The following ZFPM1 variants were observed in gnomAD, a reference collection of about 807,000 sequenced individuals.
ZFPM1 encodes zinc finger protein, FOG family member 1, also known as zinc finger protein ZFPM1.
Under a neutral mutation model 46.3 loss-of-function variants are expected in ZFPM1, and 28 were observed. That is an observed-to-expected ratio of 0.60 (90% confidence interval 0.45 to 0.83). ZFPM1 has a LOEUF of 0.83. Ranked by LOEUF, ZFPM1 falls within the 40% of genes least tolerant of loss-of-function variation. The probability of loss-of-function intolerance (pLI) is 0.00; values close to 1 mark genes in which losing one functional copy is unlikely to be tolerated. For synonymous variants in ZFPM1, 957 were observed against 675.9 expected (o/e 1.42, Z -6.45); for missense variants, 1,878 against 1,432.4 (o/e 1.31, Z -5.02).
chr16:88,489,342 T>C, intron 3 of ZFPM1, 189 bp downstream of exon 3: 1 of 911,280 alleles, frequency 1.1e-6, no homozygotes, highest in Non-Finnish European at 1.6e-6. Flanking sequence ...CTTGGCACCC[T>C]CGCGCCAATC....
Position 88,474,174 on chromosome 16 carries a change from C to T in ZFPM1, c.41-11765C>T, listed in dbSNP as rs369740494. Among the ~76,000 whole-genome samples, 140 of 152,328 alleles carry T rather than the reference C, an allele frequency of 9.2e-4. No homozygotes were observed. The South Asian group carries it at 0.011, about 12-fold the overall frequency. ...AGCCGGGCTGGGCTTTCTCAGGCCC[C>T]GGCTCTTTCTTCCCTCCTCCTCCGC... is the stretch of plus-strand genomic sequence containing the variant. On this transcript the variant is annotated intron_variant, in intron 1 of 9. Coordinates refer to ENST00000319555, the MANE Select transcript of ZFPM1 (RefSeq NM_153813.3).
At chr16:88,527,245 C>A (rs1359474727) in intron 5 of ZFPM1, among the ~76,000 whole-genome samples, 1 of 152,206 alleles carries the variant, frequency 6.6e-6, no homozygotes, top group African/African-American at 2.4e-5. Context: ...TGGGAACCCA[C>A]CAAGGGCAGC....
intron 3 of ZFPM1, among the ~76,000 whole-genome samples, chr16:88,509,521 C>A (rs1910839856): frequency 2.0e-5 from 3 of 152,234 alleles, no homozygotes; most frequent in Admixed American, 6.5e-5. Flanking sequence ...GGTTCCCGGA[C>A]GTCCGCAGAC....
intron 3 of ZFPM1, among the ~76,000 whole-genome samples, chr16:88,491,004 C>T (rs1005046621): frequency 3.6e-4 from 54 of 151,618 alleles, no homozygotes; most frequent in African/African-American, 9.7e-4. Context: ...GTCAGACAGG[C>T]GCTGGTGCCT....
In ZFPM1 at chr16:88,533,567, C is replaced by T. The variant is rs1302722385; in HGVS notation, c.1609C>T (p.Pro537Ser). ...PQYVFGPDAA[P>S]PASEILAKMS... ...GTACGTGTTCGGGCCCGACGCGGCGCCCCCCGCCTCGGAGATCCTGGCCAA... is the reference window on the plus strand; with the variant it reads ...GTACGTGTTCGGGCCCGACGCGGCGTCCCCCGCCTCGGAGATCCTGGCCAA... Residue 537 changes from proline (P) to serine (S), a missense_variant, in exon 10 of 10, where the codon CCC becomes TCC. Coordinates refer to ENST00000319555, the MANE Select transcript of ZFPM1 (RefSeq NM_153813.3). 15 of 1,491,682 alleles carry T rather than the reference C, an allele frequency of 1.0e-5. No homozygotes were observed. Among genetic ancestry groups the T allele is most frequent in the African/African-American group, 1.5e-5 (1 of 67,526 alleles). The allele number at this position is 1,491,682 out of a possible 1,614,324, so 92.4% of individuals were successfully genotyped here.
At chr16:88,462,112 G>C (rs1426121660) in intron 1 of ZFPM1, among the ~76,000 whole-genome samples, 1 of 152,186 alleles carries the variant, frequency 6.6e-6, no homozygotes, top group South Asian at 2.1e-4. Context: ...ATCTTGGGCA[G>C]AGCCGCGTGA....
intron 1 of ZFPM1, among the ~76,000 whole-genome samples, chr16:88,485,730 A>G (rs916230901): frequency 3.6e-4 from 55 of 152,256 alleles, no homozygotes; most frequent in African/African-American, 1.3e-3. Flanking sequence ...GTGAGCCACC[A>G]TGCCCAAATG....
intron 1 of ZFPM1, among the ~76,000 whole-genome samples, chr16:88,466,726 C>T (rs772896616): frequency 1.3e-5 from 2 of 152,082 alleles, no homozygotes; most frequent in Non-Finnish European, 2.9e-5. Flanking sequence ...TTTCAATATT[C>T]TAAAAGGAAG....
At position 88,534,951 on chromosome 16, in the gene ZFPM1, C is replaced by T. The variant is rs753287725; in HGVS notation, c.2993C>T (p.Ser998Phe). 2.8e-5 allele frequency: 43 copies of T among 1,516,268 alleles called. No individual in the cohort carries two copies. Among genetic ancestry groups the T allele is most frequent in the African/African-American group, 2.9e-5 (2 of 70,048 alleles). 93.9% of individuals were successfully genotyped at this position (1,516,268 alleles called of 1,614,324 possible). ...TFIAHKKYYC[S>F]SHAAEHVK Reference sequence around the variant, plus strand: ...ATCGCCCACAAGAAGTATTACTGCTCCTCGCACGCCGCCGAGCACGTGAAG... The same window carrying T: ...ATCGCCCACAAGAAGTATTACTGCTTCTCGCACGCCGCCGAGCACGTGAAG... The change falls in exon 10 of 10, where the codon TCC becomes TTC. Residue 998 changes from serine to phenylalanine, a missense_variant. By Grantham distance (155) the Ser-to-Phe change is radical (BLOSUM62 -2). Coordinates refer to ENST00000319555, the MANE Select transcript of ZFPM1 (RefSeq NM_153813.3).
chr16:88,507,834 C>T (rs899507997), intron 3 of ZFPM1, among the ~76,000 whole-genome samples: 1 of 152,136 alleles, frequency 6.6e-6, no homozygotes, highest in African/African-American at 2.4e-5. Context: ...GCAGATGGGC[C>T]CAGCCCCACA....
At chr16:88,511,438 G>T (rs1300728935) in intron 3 of ZFPM1, among the ~76,000 whole-genome samples, 1 of 152,086 alleles carries the variant, frequency 6.6e-6, no homozygotes, top group African/African-American at 2.4e-5. Flanking sequence ...GGATCCCCCA[G>T]CCATTTCAGA....
intron 1 of ZFPM1, among the ~76,000 whole-genome samples, chr16:88,470,543 G>A (rs915965674): frequency 4.1e-5 from 6 of 145,522 alleles, no homozygotes; most frequent in Admixed American, 1.4e-4. Flanking sequence ...GTGGAGGGCC[G>A]GGTGGTGACG....
Position 88,535,044 on chromosome 16 carries a change from C to A in ZFPM1, c.*65C>A. On this transcript the variant is annotated 3_prime_UTR_variant, in exon 10 of 10. Transcript: ENST00000319555. ...TGCGATGCGGGGAGGGGGCCGCCCCCAGGCCGCACGGACTGCCGCTCCTGG... is the reference window on the plus strand; with the variant it reads ...TGCGATGCGGGGAGGGGGCCGCCCCAAGGCCGCACGGACTGCCGCTCCTGG... 1 of 1,347,178 alleles carries A rather than the reference C, an allele frequency of 7.4e-7. No homozygotes were observed. Among genetic ancestry groups the A allele is most frequent in the Non-Finnish European group, 9.6e-7 (1 of 1,042,918 alleles). The allele number at this position is 1,347,178 out of a possible 1,614,324, so 83.5% of individuals were successfully genotyped here.
At chr16:88,467,721 C>T (rs574065547) in intron 1 of ZFPM1, among the ~76,000 whole-genome samples, 6 of 152,304 alleles carry the variant, frequency 3.9e-5, no homozygotes, top group East Asian at 1.9e-4. Flanking sequence ...TAAGCTGACC[C>T]GTGCCCTTTG....
At position 88,498,752 on chromosome 16, in the gene ZFPM1, T is replaced by C. The variant is rs184160902; in HGVS notation, c.268+9599T>C. ...GTGAGGCAGCAGTCAGCTCAGAGCC[T>C]GAGGCCCCATCACATTGGGCCTGCG... On this transcript the variant is annotated intron_variant, in intron 3 of 9. Transcript: ENST00000319555. Among the ~76,000 whole-genome samples the C allele has an allele frequency of 5.9e-3, 898 of 152,358 alleles. 6 individuals carry two copies. The highest frequency in any genetic ancestry group is 0.021 in the African/African-American group (864 of 41,586).
At chr16:88,476,782 G>C (rs184166280) in intron 1 of ZFPM1, among the ~76,000 whole-genome samples, 6 of 152,188 alleles carry the variant, frequency 3.9e-5, no homozygotes, top group African/African-American at 1.4e-4. Context: ...ACATACATAC[G>C]ATGGGGGCCA....
chr16:88,531,926 C>T (rs574658240), intron 6 of ZFPM1, 76 bp from the exon 7 acceptor site: 21 of 1,432,776 alleles, frequency 1.5e-5, no homozygotes, highest in Admixed American at 2.1e-5. Context: ...ACGGCCAGGC[C>T]CTGCCTCCGC....
rs1238151962 is a variant in ZFPM1 at position 88,535,648 on chromosome 16, G to C, written c.*669G>C. 6.6e-6 allele frequency: 1 copy of C among 152,312 alleles called. No homozygotes were observed. The highest frequency in any genetic ancestry group is 1.5e-5 in the Non-Finnish European group (1 of 68,110). The allele number at this position is 152,312 out of a possible 1,614,324, so 9.4% of individuals were successfully genotyped here. ...AGTAGGTGGACAGGAGAGGGAGACC[G>C]AGGCCGAAGCATTCCCTGGCCTCGA... is the stretch of plus-strand genomic sequence containing the variant. On this transcript the variant is annotated 3_prime_UTR_variant, in exon 10 of 10. Transcript: ENST00000319555.
intron 2 of ZFPM1, among the ~76,000 whole-genome samples, chr16:88,488,503 G>C (rs1909365963): frequency 6.6e-6 from 1 of 152,178 alleles, no homozygotes; most frequent in Non-Finnish European, 1.5e-5. Context: ...CTTTTATACT[G>C]TGTGATTGAC....
Sources: gnomAD v4.1 joint callset for allele counts (sites outside exome capture counted in the v4.1 genomes callset) on GRCh38, gnomAD v4.1.1 for gene constraint, MANE v1.5 for transcripts, NCBI Gene and HGNC (gene_info 2026-07-23, HGNC 2026-07-21) for gene names.